The following KIAA0825 variants were observed in gnomAD, a reference collection of about 807,000 sequenced individuals.
KIAA0825 encodes uncharacterized protein KIAA0825.
KIAA0825 carries 119 observed loss-of-function variants against 147.6 expected under a neutral mutation model. The ratio of observed to expected loss-of-function variants is 0.81; its 90% CI spans 0.69 to 0.94. The LOEUF (loss-of-function observed/expected upper bound fraction) is 0.94, where lower values mean the gene tolerates loss of function less well. KIAA0825 is among the 40% of genes least tolerant of loss of function. The pLI is 0.00. For missense variants in KIAA0825, 1,381 were observed against 1,472.7 expected (o/e 0.94, Z 1.02); for synonymous variants, 470 against 518.1 (o/e 0.91, Z 1.26).
chr5:94,471,620 C>A lies in KIAA0825; in HGVS notation c.1567G>T (p.Val523Leu). 1.9e-6 allele frequency: 3 copies of A among 1,552,028 alleles called. No homozygotes were observed. Among genetic ancestry groups the A allele is most frequent in the Non-Finnish European group, 2.6e-6 (3 of 1,147,054 alleles). ...RANLVEACCK[V>L]ATAVLQRLQE... ...AGTCTCTGCAGGACAGCTGTTGCCACTTTACAACAGGCCTCCACCAAGTTT... is the reference window on the plus strand; with the variant it reads ...AGTCTCTGCAGGACAGCTGTTGCCAATTTACAACAGGCCTCCACCAAGTTT... Residue 523 changes from valine (V) to leucine (L), a missense_variant, in exon 9 of 21, where the codon GTG (valine) becomes TTG (leucine). Transcript: ENST00000682413.
chr5:94,410,582 C>T (rs1368829320), intron 15 of KIAA0825, among the ~76,000 whole-genome samples: 2 of 152,196 alleles, frequency 1.3e-5, no homozygotes, highest in East Asian at 3.9e-4. Context: ...GAGAAAAGTC[C>T]TTATCAACTA....
At chr5:94,555,698 C>A (rs2152274243) in intron 2 of KIAA0825, among the ~76,000 whole-genome samples, 1 of 152,276 alleles carries the variant, frequency 6.6e-6, no homozygotes, top group African/African-American at 2.4e-5. Context: ...ATAATATTCT[C>A]ATTTTAATAA....
At chr5:94,547,736 C>CA (rs144612994) in intron 2 of KIAA0825, among the ~76,000 whole-genome samples, 54,757 of 127,638 alleles carry the variant, frequency 0.43, 12,014 homozygotes, top group Non-Finnish European at 0.49. Flanking sequence ...GACTCCCTTT[C>CA]AAAAAAAAAA....
intron 20 of KIAA0825, among the ~76,000 whole-genome samples, chr5:94,346,962 GT>G (rs1281163703): frequency 1.3e-5 from 2 of 152,156 alleles, no homozygotes; most frequent in Non-Finnish European, 1.5e-5. Context: ...TCTGGGGGCT[GT>G]TGTCGGGTCA....
intron 20 of KIAA0825, among the ~76,000 whole-genome samples, chr5:94,319,937 C>T (rs1344622483): frequency 1.3e-5 from 2 of 151,982 alleles, no homozygotes; most frequent in Non-Finnish European, 2.9e-5. Flanking sequence ...TCCCCCTACT[C>T]ATTTAGCTCC....
In KIAA0825 at chr5:94,178,035, CAT is replaced by C. The variant is rs759820923; in HGVS notation, c.3711-23913_3711-23912del. Among the ~76,000 whole-genome samples the C allele has an allele frequency of 8.9e-4, 136 of 152,082 alleles. 2 individuals are homozygous for C. Among genetic ancestry groups the C allele is most frequent in the Admixed American group, 3.9e-3 (60 of 15,264 alleles). ...TAAGATTTACAGTTTTCTGATCCTG[CAT>C]ATTTTAGTTAGGGTTATTCCTAGAA... On this transcript the variant is annotated intron_variant, in intron 20 of 20. Coordinates refer to ENST00000682413, the MANE Select transcript of KIAA0825 (RefSeq NM_001145678.3).
intron 20 of KIAA0825, among the ~76,000 whole-genome samples, chr5:94,193,194 A>G (rs1647747329): frequency 6.6e-6 from 1 of 152,142 alleles, no homozygotes; most frequent in South Asian, 2.1e-4. Flanking sequence ...CACATGAATG[A>G]AGCTGCACCT....
chr5:94,530,271 C>CAAAAAAA (rs770501364), intron 3 of KIAA0825, among the ~76,000 whole-genome samples: 1 of 54,536 alleles, frequency 1.8e-5, no homozygotes, highest in African/African-American at 6.7e-5. Flanking sequence ...AACTCCGTCA[C>CAAAAAAA]AAAAAAAAAA....
intron 20 of KIAA0825, among the ~76,000 whole-genome samples, chr5:94,323,068 G>A (rs2150251826): frequency 6.6e-6 from 1 of 151,800 alleles, no homozygotes; most frequent in Non-Finnish European, 1.5e-5. Flanking sequence ...ACAAAACTAA[G>A]GCCTATTTAC....
intron 20 of KIAA0825, among the ~76,000 whole-genome samples, chr5:94,169,468 G>A (rs571560551): frequency 4.6e-5 from 7 of 151,644 alleles, no homozygotes; most frequent in Middle Eastern, 3.4e-3. Flanking sequence ...TGTAATCCCA[G>A]CATTTTGGGA....
chr5:94,318,642 T>C (rs1303394680), intron 20 of KIAA0825, among the ~76,000 whole-genome samples: 1 of 151,808 alleles, frequency 6.6e-6, no homozygotes, highest in Admixed American at 6.6e-5. Context: ...AGATGCAAAT[T>C]TATTTCCTTT....
intron 20 of KIAA0825, among the ~76,000 whole-genome samples, chr5:94,312,669 T>G (rs1164111935): frequency 1.3e-5 from 2 of 151,780 alleles, no homozygotes; most frequent in Non-Finnish European, 2.9e-5. Flanking sequence ...AATGATCTGC[T>G]TAGAACATTC....
chr5:94,274,690 T>C (rs1037608503), intron 20 of KIAA0825, among the ~76,000 whole-genome samples: 2 of 152,144 alleles, frequency 1.3e-5, no homozygotes, highest in African/African-American at 2.4e-5. Flanking sequence ...AAAAACTCAT[T>C]AGCTAAGATA....
At chr5:94,399,790 T>G (rs1196484933) in intron 16 of KIAA0825, among the ~76,000 whole-genome samples, 1 of 152,102 alleles carries the variant, frequency 6.6e-6, no homozygotes, top group Non-Finnish European at 1.5e-5. Context: ...AATGTACTAC[T>G]GTAATAATAT....
At chr5:94,289,391 C>T (rs1035814962) in intron 20 of KIAA0825, among the ~76,000 whole-genome samples, 7 of 151,714 alleles carry the variant, frequency 4.6e-5, no homozygotes, top group East Asian at 3.9e-4. Context: ...AATAATTAAC[C>T]GGGCATGGTG....
At chr5:94,363,867 TA>T (rs112452923) in intron 20 of KIAA0825, among the ~76,000 whole-genome samples, 14 of 147,358 alleles carry the variant, frequency 9.5e-5, no homozygotes, top group Middle Eastern at 3.4e-3. Flanking sequence ...GATTTATCTC[TA>T]AAAAAAAAAA....
chr5:94,537,043 C>T lies in KIAA0825; in HGVS notation c.84G>A (p.Glu28=). ...TTTCATCAATGTCACTGAAGATCTG[C>T]TCAAACTCCAAGTCTCCAGGAAATG... ...LNSFPGDLEF[E]QIFSDIDEKI... The change falls in exon 3 of 21, where the codon GAG becomes GAA. Residue 28 remains glutamate, a synonymous_variant. Coordinates refer to ENST00000682413, the MANE Select transcript of KIAA0825 (RefSeq NM_001145678.3). The T allele has an allele frequency of 6.2e-7, 1 of 1,607,204 alleles. No individual in the cohort carries two copies. The highest frequency in any genetic ancestry group is 8.5e-7 in the Non-Finnish European group (1 of 1,174,266).
intron 20 of KIAA0825, among the ~76,000 whole-genome samples, chr5:94,374,914 C>T (rs1747305973): frequency 6.6e-6 from 1 of 152,134 alleles, no homozygotes; most frequent in South Asian, 2.1e-4. Flanking sequence ...GATCTGAACC[C>T]ACACTCTCTG....
intron 2 of KIAA0825, among the ~76,000 whole-genome samples, chr5:94,576,755 G>A (rs896893893): frequency 1.3e-5 from 2 of 152,148 alleles, no homozygotes; most frequent in Non-Finnish European, 2.9e-5. Flanking sequence ...TGAGAGAAGA[G>A]ACATCTACTC....
Sources: gnomAD v4.1 joint callset for allele counts (sites outside exome capture counted in the v4.1 genomes callset) on GRCh38, gnomAD v4.1.1 for gene constraint, MANE v1.5 for transcripts, NCBI Gene and HGNC (gene_info 2026-07-23, HGNC 2026-07-21) for gene names.